Variants in EDDM13 observed in about 807,000 individuals in gnomAD.
The protein encoded by EDDM13 is epididymal protein 13.
Under a neutral mutation model 17.8 loss-of-function variants are expected in EDDM13, and 24 were observed. The ratio of observed to expected loss-of-function variants is 1.35; its 90% confidence interval spans 0.98 to 1.90. EDDM13 has a LOEUF of 1.90. Among genes scored for constraint, EDDM13 ranks in the 40% most tolerant of loss-of-function variants. The probability of loss-of-function intolerance (pLI) is 0.00; values close to 1 mark genes in which losing one functional copy is unlikely to be tolerated. For missense variants in EDDM13, 97 were observed against 100.8 expected (o/e 0.96, Z 0.16); for synonymous variants, 31 against 37.5 (o/e 0.83, Z 0.63).
chr19:56,275,798 G>C (rs2038202439), intron 1 of EDDM13, among the ~76,000 whole-genome samples: 1 of 152,272 alleles, frequency 6.6e-6, no homozygotes, highest in South Asian at 2.1e-4. Flanking sequence ...ACAGAGCAGG[G>C]GCTGAATCTG....
intron 1 of EDDM13, among the ~76,000 whole-genome samples, chr19:56,275,295 T>G (rs1267613526): frequency 6.6e-6 from 1 of 152,236 alleles, no homozygotes; most frequent in Non-Finnish European, 1.5e-5. Context: ...ATTGCTACAG[T>G]GCTTCTCCAA....
At chr19:56,309,883 T>C (rs923461236) in intron 14 of EDDM13, among the ~76,000 whole-genome samples, 1 of 152,100 alleles carries the variant, frequency 6.6e-6, no homozygotes, top group Non-Finnish European at 1.5e-5. Flanking sequence ...GGGGCAGAGC[T>C]AGGGTCCATA....
In EDDM13 at chr19:56,281,683, C is replaced by G. The variant is rs2038717123; in HGVS notation, c.104-10C>G. Reference sequence around the variant, plus strand: ...GATTCACTGGCTCCTGGCTCTGCTGCCCCTTCCAGTCAACTGTAAGTCATA... The same window carrying G: ...GATTCACTGGCTCCTGGCTCTGCTGGCCCTTCCAGTCAACTGTAAGTCATA... On this transcript the variant is annotated splice_polypyrimidine_tract_variant and intron_variant, in intron 2 of 14. Transcript: ENST00000649256. 4 of 985,180 alleles carry G rather than the reference C, an allele frequency of 4.1e-6. No homozygotes were observed. Among genetic ancestry groups the G allele is most frequent in the Non-Finnish European group, 3.6e-6 (3 of 829,846 alleles). The allele number at this position is 985,180 out of a possible 1,614,324, so 61.0% of individuals were successfully genotyped here.
chr19:56,279,941 A>T (rs930015625), intron 2 of EDDM13, among the ~76,000 whole-genome samples: 1 of 152,194 alleles, frequency 6.6e-6, no homozygotes. Context: ...TAATTATTCA[A>T]TTTAAAACAT....
chr19:56,295,372 T>C (rs963645219), intron 9 of EDDM13, among the ~76,000 whole-genome samples: 1 of 151,990 alleles, frequency 6.6e-6, no homozygotes, highest in Non-Finnish European at 1.5e-5. Context: ...TGCGGGCGGA[T>C]CACCTCAGGT....
chr19:56,308,253 C>T (rs1189795485), intron 14 of EDDM13, among the ~76,000 whole-genome samples: 2 of 151,942 alleles, frequency 1.3e-5, no homozygotes, highest in Non-Finnish European at 2.9e-5. Flanking sequence ...AGGATGGTCT[C>T]GATCTCTTGA....
intron 14 of EDDM13, among the ~76,000 whole-genome samples, chr19:56,305,253 C>T (rs1386305202): frequency 1.3e-5 from 2 of 150,394 alleles, no homozygotes; most frequent in Admixed American, 6.6e-5. Context: ...TCGTCTCTTC[C>T]CCCTGTTCCT....
intron 12 of EDDM13, among the ~76,000 whole-genome samples, chr19:56,298,760 A>C (rs1180686360): frequency 2.0e-5 from 3 of 152,244 alleles, no homozygotes; most frequent in African/African-American, 7.2e-5. Flanking sequence ...AGTTAGCTTT[A>C]ATAGTGAATT....
intron 2 of EDDM13, among the ~76,000 whole-genome samples, chr19:56,279,462 T>C (rs2038517315): frequency 6.6e-6 from 1 of 152,200 alleles, no homozygotes; most frequent in South Asian, 2.1e-4. Context: ...ATGCTATTAT[T>C]TCAGGTTGAA....
At chr19:56,302,137 G>A in intron 13 of EDDM13, 42 bp downstream of exon 13, 9 of 1,223,416 alleles carry the variant, frequency 7.4e-6, no homozygotes, top group Non-Finnish European at 9.2e-6. Context: ...GTGAGGAGAG[G>A]AAGGAAAGAG....
At chr19:56,287,666 G>A (rs1416100203) in intron 6 of EDDM13, among the ~76,000 whole-genome samples, 2 of 152,190 alleles carry the variant, frequency 1.3e-5, no homozygotes, top group Admixed American at 1.3e-4. Context: ...AACGGCAGGG[G>A]GTTGAGGCAG....
At chr19:56,292,789 G>A (rs2039605992) in intron 9 of EDDM13, among the ~76,000 whole-genome samples, 1 of 152,184 alleles carries the variant, frequency 6.6e-6, no homozygotes, top group African/African-American at 2.4e-5. Context: ...GAGGATTCTA[G>A]GTACCTCATA....
intron 2 of EDDM13, among the ~76,000 whole-genome samples, chr19:56,278,070 T>C (rs1036668439): frequency 2.8e-4 from 42 of 152,242 alleles, no homozygotes; most frequent in African/African-American, 9.4e-4. Context: ...AGCTGAATTC[T>C]CATTTCTGCT....
chr19:56,291,831 T>G (rs1470293263), intron 9 of EDDM13, among the ~76,000 whole-genome samples: 1 of 152,128 alleles, frequency 6.6e-6, no homozygotes, highest in East Asian at 1.9e-4. Context: ...CAATCCCTCC[T>G]CGAATCAGGC....
intron 9 of EDDM13, among the ~76,000 whole-genome samples, chr19:56,294,916 C>T (rs1345608870): frequency 6.6e-6 from 1 of 152,184 alleles, no homozygotes; most frequent in African/African-American, 2.4e-5. Context: ...TACGACATGT[C>T]CACAGCAGGC....
At chr19:56,296,791 T>G (rs147032541) in intron 11 of EDDM13, among the ~76,000 whole-genome samples, 8,026 of 152,190 alleles carry the variant, frequency 0.053, 713 homozygotes, top group African/African-American at 0.18. Flanking sequence ...CCCAGCACTT[T>G]GGGAGGCCGA....
chr19:56,279,883 TAAC>T, intron 2 of EDDM13, among the ~76,000 whole-genome samples: 1 of 152,228 alleles, frequency 6.6e-6, no homozygotes, highest in South Asian at 2.1e-4. Flanking sequence ...ATATTTCAAT[TAAC>T]AAAACAGTAT....
Position 56,304,813 on chromosome 19 carries a change from C to T in EDDM13, c.444C>T (p.Asn148=). 2.0e-6 allele frequency: 2 copies of T among 985,126 alleles called. No homozygotes were observed. Among genetic ancestry groups the T allele is most frequent in the South Asian group, 4.7e-5 (1 of 21,284 alleles). 61.0% of individuals were successfully genotyped at this position (985,126 alleles called of 1,614,324 possible). A position where few individuals can be genotyped will look rare whatever the true frequency, so the allele number is the denominator to read the frequency against. Residue 148 remains asparagine, a synonymous_variant, in exon 14 of 15, where the codon AAC becomes AAT. Coordinates refer to ENST00000649256, the MANE Select transcript of EDDM13 (RefSeq NM_001354658.2). Reference sequence around the variant, plus strand: ...CCAAGTGTTACTGCCACTACTGTAACTTGGAACTGGACATCAGGTATGCTA... The same window carrying T: ...CCAAGTGTTACTGCCACTACTGTAATTTGGAACTGGACATCAGGTATGCTA... ...KGDWCYCHYC[N]LELDIRDDPC... is the part of the protein sequence containing the mutation.
chr19:56,275,751 C>T (rs1042524869), intron 1 of EDDM13, among the ~76,000 whole-genome samples: 7 of 152,156 alleles, frequency 4.6e-5, no homozygotes, highest in Non-Finnish European at 7.3e-5. Context: ...TACTCTTATA[C>T]CAGAACTTCT....
Sources: allele counts gnomAD v4.1 joint callset (sites outside exome capture counted in the v4.1 genomes callset), GRCh38; gene constraint gnomAD v4.1.1; transcripts MANE v1.5; gene names NCBI Gene and HGNC (gene_info 2026-07-23, HGNC 2026-07-21).